PTPRD: variants seen among roughly 807,000 people sequenced by gnomAD.
The protein encoded by PTPRD is receptor-type tyrosine-protein phosphatase delta.
In PTPRD, 34 loss-of-function variants were observed where a neutral mutation model predicts 214.5. The observed-to-expected ratio is 0.16, with a 90% CI of 0.12 to 0.21. The LOEUF (loss-of-function observed/expected upper bound fraction) is 0.21, where lower values mean the gene tolerates loss of function less well. PTPRD is among the 10% of genes least tolerant of loss of function. The pLI, the probability that PTPRD is intolerant of heterozygous loss-of-function variation, is 1.00. For missense variants in PTPRD, 2,545 were observed against 2,398.7 expected, an observed-to-expected ratio of 1.06 and a Z score of -1.27; for synonymous variants, 1,128 against 845.7, an observed-to-expected ratio of 1.33 and a Z score of -5.79.
At chr9:9,585,959 A>T (rs1020751285) in intron 7 of PTPRD, among the ~76,000 whole-genome samples, 7 of 151,946 alleles carry the variant, frequency 4.6e-5, no homozygotes, top group Non-Finnish European at 7.4e-5. Flanking sequence ...GCTTTGGGAG[A>T]TATATTTGGC....
chr9:10,334,059 T>C (rs1016380515), intron 3 of PTPRD, among the ~76,000 whole-genome samples: 1 of 151,724 alleles, frequency 6.6e-6, no homozygotes, highest in Non-Finnish European at 1.5e-5. Context: ...GGAAAGAATA[T>C]GGTTAGTATA....
chr9:10,099,482 G>C (rs1264591249), intron 3 of PTPRD, among the ~76,000 whole-genome samples: 1 of 151,722 alleles, frequency 6.6e-6, no homozygotes, highest in African/African-American at 2.4e-5. Flanking sequence ...CCAGCATATA[G>C]TAAATACAAT....
At chr9:9,558,491 C>T (rs2082083195) in intron 8 of PTPRD, among the ~76,000 whole-genome samples, 1 of 152,164 alleles carries the variant, frequency 6.6e-6, no homozygotes, top group South Asian at 2.1e-4. Flanking sequence ...GCCATACAAA[C>T]TTTGGGTACA....
intron 9 of PTPRD, among the ~76,000 whole-genome samples, chr9:9,303,956 G>A (rs532460694): frequency 6.6e-6 from 1 of 152,196 alleles, no homozygotes; most frequent in African/African-American, 2.4e-5. Context: ...GCATTACGGG[G>A]CTTCTAGCAG....
intron 8 of PTPRD, among the ~76,000 whole-genome samples, chr9:9,496,656 T>A (rs533437435): frequency 7.8e-4 from 119 of 152,310 alleles, no homozygotes; most frequent in Middle Eastern, 3.4e-3. Context: ...TTGGTGGGAA[T>A]GTAAAATGAT....
chr9:8,422,319 T>C (rs1329602168), intron 35 of PTPRD, among the ~76,000 whole-genome samples: 1 of 152,186 alleles, frequency 6.6e-6, no homozygotes, highest in Admixed American at 6.6e-5. Flanking sequence ...ATCCTTGTAA[T>C]GTTTATAATT....
chr9:9,837,790 T>C (rs1163006166), intron 5 of PTPRD, among the ~76,000 whole-genome samples: 1 of 152,190 alleles, frequency 6.6e-6, no homozygotes, highest in Non-Finnish European at 1.5e-5. Context: ...TATTATACTT[T>C]AAGTTTTAGG....
At chr9:9,494,644 A>G (rs977390419) in intron 8 of PTPRD, among the ~76,000 whole-genome samples, 4 of 152,222 alleles carry the variant, frequency 2.6e-5, no homozygotes, top group Admixed American at 6.5e-5. Context: ...AAAGTAAACT[A>G]TGAAATATTG....
chr9:9,799,378 T>A (rs1190767434), intron 5 of PTPRD: 2 of 152,160 alleles, frequency 1.3e-5, no homozygotes, highest in Non-Finnish European at 2.9e-5. Flanking sequence ...GAGTTCAGAA[T>A]GGAACATTCA....
intron 10 of PTPRD, among the ~76,000 whole-genome samples, chr9:9,070,424 C>T (rs969517090): frequency 2.0e-5 from 3 of 152,030 alleles, no homozygotes; most frequent in Non-Finnish European, 2.9e-5. Context: ...GTAGCAACAT[C>T]GATCCAAATG....
intron 3 of PTPRD, among the ~76,000 whole-genome samples, chr9:10,306,969 G>C (rs775394103): frequency 6.6e-6 from 1 of 152,000 alleles, no homozygotes; most frequent in Non-Finnish European, 1.5e-5. Flanking sequence ...AGTGTTTATG[G>C]GGTACATGTG....
intron 5 of PTPRD, among the ~76,000 whole-genome samples, chr9:9,840,792 A>C (rs935044082): frequency 2.5e-5 from 3 of 118,162 alleles, no homozygotes; most frequent in African/African-American, 5.6e-5. Flanking sequence ...AAAAAAAAAA[A>C]AAAAAAACAG....
At chr9:8,359,249 G>C (rs563133991) in intron 39 of PTPRD, among the ~76,000 whole-genome samples, 2 of 151,214 alleles carry the variant, frequency 1.3e-5, no homozygotes, top group East Asian at 3.9e-4. Context: ...GAAACTGTTA[G>C]AAATGCAATT....
At chr9:9,298,154 T>G (rs890791090) in intron 9 of PTPRD, among the ~76,000 whole-genome samples, 1 of 151,660 alleles carries the variant, frequency 6.6e-6, no homozygotes, top group South Asian at 2.1e-4. Flanking sequence ...GGAAGAAAGT[T>G]TGAACTTAGG....
intron 21 of PTPRD, among the ~76,000 whole-genome samples, chr9:8,509,218 T>C (rs1482916541): frequency 6.6e-6 from 1 of 151,806 alleles, no homozygotes; most frequent in Non-Finnish European, 1.5e-5. Flanking sequence ...AAAACACAAA[T>C]AGGCAAACTG....
At chr9:9,487,217 C>G (rs559680422) in intron 8 of PTPRD, among the ~76,000 whole-genome samples, 15 of 151,872 alleles carry the variant, frequency 9.9e-5, no homozygotes, top group Non-Finnish European at 1.5e-5. Context: ...CCCTTCCCCC[C>G]ACCCAACAAC....
intron 20 of PTPRD, among the ~76,000 whole-genome samples, chr9:8,519,356 A>C (rs957614010): frequency 1.3e-5 from 2 of 152,220 alleles, no homozygotes; most frequent in Admixed American, 1.3e-4. Context: ...CTAATTAAAA[A>C]TATAAACTGT....
intron 9 of PTPRD, among the ~76,000 whole-genome samples, chr9:9,257,045 T>C (rs1464635089): frequency 2.0e-5 from 3 of 152,068 alleles, no homozygotes; most frequent in East Asian, 3.9e-4. Flanking sequence ...TCTTGTATCA[T>C]ATTAGATGTG....
chr9:10,533,737 G>C (rs1276114120), intron 2 of PTPRD, among the ~76,000 whole-genome samples: 2 of 151,542 alleles, frequency 1.3e-5, no homozygotes, highest in Admixed American at 1.3e-4. Flanking sequence ...TAAAATAATC[G>C]ACAGGCTAGT....
Sources: gnomAD v4.1 joint callset for allele counts (sites outside exome capture counted in the v4.1 genomes callset) on GRCh38, gnomAD v4.1.1 for gene constraint, MANE v1.5 for transcripts, NCBI Gene and HGNC (gene_info 2026-07-23, HGNC 2026-07-21) for gene names.